RBFOX1: variants seen among roughly 807,000 people sequenced by gnomAD.
RBFOX1 encodes the protein RNA binding fox-1 homolog 1.
A neutral mutation model predicts 57.7 loss-of-function variants in RBFOX1; 8 were observed. That is an observed-to-expected ratio of 0.14 (90% CI 0.08 to 0.25). The LOEUF (loss-of-function observed/expected upper bound fraction) is 0.25. Among genes scored for constraint, RBFOX1 ranks in the 10% least tolerant of loss-of-function variants. The pLI is 1.00. For missense variants in RBFOX1, 611 were observed against 548.5 expected, an observed-to-expected ratio of 1.11 and a Z score of -1.14; for synonymous variants, 326 against 222.4, an observed-to-expected ratio of 1.47 and a Z score of -4.15.
At chr16:5,682,460 A>T (rs534760847) in intron 3 of RBFOX1, among the ~76,000 whole-genome samples, 3 of 152,244 alleles carry the variant, frequency 2.0e-5, no homozygotes, top group African/African-American at 7.2e-5. Context: ...ATACAATTTG[A>T]CAATCGGTCC....
intron 3 of RBFOX1, among the ~76,000 whole-genome samples, chr16:5,792,136 G>C (rs891772081): frequency 6.6e-6 from 1 of 152,138 alleles, no homozygotes; most frequent in Admixed American, 6.5e-5. Context: ...TTTAAAGCCC[G>C]GGACCCCAGT....
At chr16:5,942,323 G>A (rs2059299300) in intron 4 of RBFOX1, among the ~76,000 whole-genome samples, 1 of 152,152 alleles carries the variant, frequency 6.6e-6, no homozygotes, top group African/African-American at 2.4e-5. Flanking sequence ...AATCATAGGT[G>A]TGTGGACAAC....
At chr16:5,502,025 C>CTAT (rs58333271) in intron 2 of RBFOX1, among the ~76,000 whole-genome samples, 5,197 of 150,244 alleles carry the variant, frequency 0.035, 200 homozygotes, top group African/African-American at 0.092. Context: ...GCCCAGCTCA[C>CTAT]TATTATTATT....
chr16:6,253,319 A>G (rs1193279394), intron 1 of RBFOX1, among the ~76,000 whole-genome samples: 1 of 152,156 alleles, frequency 6.6e-6, no homozygotes, highest in Non-Finnish European at 1.5e-5. Context: ...AAGTCATCAC[A>G]TCTGTCACTG....
At chr16:6,471,438 G>A (rs374820744) in intron 2 of RBFOX1, among the ~76,000 whole-genome samples, 26 of 152,128 alleles carry the variant, frequency 1.7e-4, no homozygotes, top group East Asian at 1.9e-4. Context: ...TCCAGTAAAC[G>A]TATTCTACTT....
intron 2 of RBFOX1, among the ~76,000 whole-genome samples, chr16:5,555,819 C>T (rs964598633): frequency 2.6e-5 from 4 of 151,702 alleles, no homozygotes; most frequent in African/African-American, 7.3e-5. Flanking sequence ...GTCGGGAGTT[C>T]GAGACGAGCC....
intron 4 of RBFOX1, among the ~76,000 whole-genome samples, chr16:7,074,156 G>A (rs1366955990): frequency 6.6e-6 from 1 of 152,200 alleles, no homozygotes; most frequent in Non-Finnish European, 1.5e-5. Context: ...AGAAAAAACA[G>A]TCAGTAGAAA....
At chr16:6,798,449 A>G (rs1013673814) in intron 3 of RBFOX1, among the ~76,000 whole-genome samples, 6 of 152,184 alleles carry the variant, frequency 3.9e-5, no homozygotes, top group Admixed American at 1.3e-4. Flanking sequence ...GAGAGCTGCT[A>G]TGTTGTTTAA....
chr16:5,418,421 G>C (rs560456070), intron 1 of RBFOX1, among the ~76,000 whole-genome samples: 1 of 152,094 alleles, frequency 6.6e-6, no homozygotes, highest in African/African-American at 2.4e-5. Flanking sequence ...CAGGTCCGAC[G>C]TGATCAAGTG....
chr16:6,713,959 A>C (rs2064239707), intron 3 of RBFOX1, among the ~76,000 whole-genome samples: 1 of 152,210 alleles, frequency 6.6e-6, no homozygotes, highest in African/African-American at 2.4e-5. Flanking sequence ...AATTCACATG[A>C]AAGTAGTTGA....
intron 5 of RBFOX1, among the ~76,000 whole-genome samples, chr16:7,540,697 C>G (rs1056717496): frequency 6.6e-6 from 1 of 152,148 alleles, no homozygotes; most frequent in East Asian, 1.9e-4. Context: ...CTGGTTGTCT[C>G]TTCTTGAATG....
At chr16:7,325,041 A>C (rs931304653) in intron 4 of RBFOX1, among the ~76,000 whole-genome samples, 3 of 152,218 alleles carry the variant, frequency 2.0e-5, no homozygotes, top group African/African-American at 7.2e-5. Flanking sequence ...GGCACTTCAC[A>C]AGTTGCATTT....
At chr16:6,433,542 T>C (rs1309538883) in intron 2 of RBFOX1, among the ~76,000 whole-genome samples, 1 of 152,202 alleles carries the variant, frequency 6.6e-6, no homozygotes, top group Non-Finnish European at 1.5e-5. Context: ...TTCTCATTGG[T>C]GCTGTAACAA....
At chr16:5,660,173 G>A (rs2049598728) in intron 3 of RBFOX1, among the ~76,000 whole-genome samples, 1 of 152,178 alleles carries the variant, frequency 6.6e-6, no homozygotes. Context: ...GACCTGGAGT[G>A]TGGAGGTCAG....
chr16:6,235,617 C>T (rs2097500242), intron 1 of RBFOX1, among the ~76,000 whole-genome samples: 1 of 146,808 alleles, frequency 6.8e-6, no homozygotes, highest in Non-Finnish European at 1.5e-5. Context: ...GATATTTATA[C>T]ATATATATAT....
intron 3 of RBFOX1, among the ~76,000 whole-genome samples, chr16:5,778,585 T>G (rs749861537): frequency 2.6e-5 from 4 of 152,200 alleles, no homozygotes; most frequent in Non-Finnish European, 5.9e-5. Context: ...TGGCCTTGCA[T>G]GGCGTGCTGT....
intron 4 of RBFOX1, among the ~76,000 whole-genome samples, chr16:7,241,856 A>G (rs1316538169): frequency 2.0e-5 from 3 of 152,038 alleles, no homozygotes; most frequent in Non-Finnish European, 2.9e-5. Context: ...AAATATGTAT[A>G]TAAGTATATA....
chr16:6,165,814 C>G (rs1412804597), intron 1 of RBFOX1, among the ~76,000 whole-genome samples: 1 of 152,178 alleles, frequency 6.6e-6, no homozygotes, highest in African/African-American at 2.4e-5. Flanking sequence ...GCTGTCTGAT[C>G]ACTCAACTGT....
At chr16:6,365,892 A>G (rs2089513495) in intron 2 of RBFOX1, among the ~76,000 whole-genome samples, 1 of 152,208 alleles carries the variant, frequency 6.6e-6, no homozygotes. Flanking sequence ...GAATAGAGAG[A>G]GCATTTTGAT....
Sources: allele counts gnomAD v4.1 joint callset (sites outside exome capture counted in the v4.1 genomes callset), GRCh38; gene constraint gnomAD v4.1.1; transcripts MANE v1.5; gene names NCBI Gene and HGNC (gene_info 2026-07-23, HGNC 2026-07-21).